Variants in NFIL3 observed in about 807,000 individuals in gnomAD.
NFIL3 encodes the protein nuclear factor interleukin-3-regulated protein.
Under a neutral mutation model 10.0 loss-of-function variants are expected in NFIL3, and 5 were observed. That is an observed-to-expected ratio of 0.50 (90% CI 0.26 to 1.06). NFIL3 has a LOEUF of 1.06. Ranked by LOEUF, NFIL3 falls within the 50% of genes least tolerant of loss-of-function variation. NFIL3 has a pLI of 0.13. For missense variants in NFIL3, 436 were observed against 547.6 expected (o/e 0.80, Z 2.03); for synonymous variants, 202 against 206.5 (o/e 0.98, Z 0.19).
chr9:91,468,772 C>A, the NFIL3 span, among the ~76,000 whole-genome samples: 12 of 152,172 alleles, frequency 7.9e-5, no homozygotes, highest in African/African-American at 2.9e-4. Context: ...CCAGTTTTCC[C>A]AGCACCATTT....
At chr9:91,466,359 A>G in the NFIL3 span, among the ~76,000 whole-genome samples, 1 of 152,188 alleles carries the variant, frequency 6.6e-6, no homozygotes, top group African/African-American at 2.4e-5. Context: ...CTTCCTGAGA[A>G]CACAAGAAAT....
At chr9:91,420,115 A>G (rs117654763) in intron 1 of NFIL3, among the ~76,000 whole-genome samples, 45 of 152,298 alleles carry the variant, frequency 3.0e-4, no homozygotes, top group African/African-American at 1.0e-3. Flanking sequence ...TCATCTCTCT[A>G]TTCCTTCAAG....
At chr9:91,471,711 T>A in the NFIL3 span, among the ~76,000 whole-genome samples, 1 of 152,150 alleles carries the variant, frequency 6.6e-6, no homozygotes, top group Non-Finnish European at 1.5e-5. Flanking sequence ...ACATTTAAGG[T>A]TAATATTGTT....
chr9:91,443,730 T>C, the NFIL3 span, among the ~76,000 whole-genome samples: 3 of 152,252 alleles, frequency 2.0e-5, no homozygotes, highest in East Asian at 5.8e-4. Flanking sequence ...GCAGGACTCT[T>C]GCCCCAACAA....
chr9:91,483,460 G>A, the NFIL3 span, among the ~76,000 whole-genome samples: 4 of 152,164 alleles, frequency 2.6e-5, no homozygotes, highest in Non-Finnish European at 5.9e-5. Context: ...CAGGGTACCA[G>A]GAACACACAG....
the NFIL3 span, among the ~76,000 whole-genome samples, chr9:91,463,711 C>T: frequency 6.6e-6 from 1 of 152,214 alleles, no homozygotes; most frequent in Non-Finnish European, 1.5e-5. Flanking sequence ...TGTCTATATC[C>T]TTTCTGATTT....
the NFIL3 span, among the ~76,000 whole-genome samples, chr9:91,477,239 G>A: frequency 1.3e-5 from 2 of 152,138 alleles, no homozygotes; most frequent in Admixed American, 6.5e-5. Context: ...TCCTGGGGTT[G>A]CCCAGCTGAG....
At chr9:91,477,554 C>A in the NFIL3 span, among the ~76,000 whole-genome samples, 1 of 152,112 alleles carries the variant, frequency 6.6e-6, no homozygotes, top group Non-Finnish European at 1.5e-5. Flanking sequence ...CTAAGAAAAT[C>A]CCAAAGAAGC....
At chr9:91,453,712 GA>G in the NFIL3 span, among the ~76,000 whole-genome samples, 1 of 151,956 alleles carries the variant, frequency 6.6e-6, no homozygotes, top group Non-Finnish European at 1.5e-5. Context: ...TAAAACATGG[GA>G]ATAGGGTGCA....
the NFIL3 span, among the ~76,000 whole-genome samples, chr9:91,454,158 C>T: frequency 2.1e-4 from 32 of 149,876 alleles, no homozygotes; most frequent in African/African-American, 6.7e-4. Flanking sequence ...CGCTTGAACC[C>T]GGGAAGTGGA....
At chr9:91,472,652 T>A in the NFIL3 span, among the ~76,000 whole-genome samples, 3 of 152,216 alleles carry the variant, frequency 2.0e-5, no homozygotes, top group Non-Finnish European at 4.4e-5. Context: ...GGTTCAAACA[T>A]CCTCCTTTAG....
At chr9:91,432,626 C>T in the NFIL3 span, among the ~76,000 whole-genome samples, 1 of 151,748 alleles carries the variant, frequency 6.6e-6, no homozygotes, top group African/African-American at 2.4e-5. Context: ...CTGTTGCTGA[C>T]ACATAAGAAC....
chr9:91,417,682 A>G (rs1330839937), intron 1 of NFIL3, among the ~76,000 whole-genome samples: 1 of 152,194 alleles, frequency 6.6e-6, no homozygotes, highest in Non-Finnish European at 1.5e-5. Flanking sequence ...GTTGAAAAAG[A>G]GAAGGATTTT....
the NFIL3 span, among the ~76,000 whole-genome samples, chr9:91,429,741 G>A: frequency 6.6e-6 from 1 of 152,086 alleles, no homozygotes; most frequent in Non-Finnish European, 1.5e-5. Flanking sequence ...CTCAGGCGGT[G>A]CATGTAGGTC....
At chr9:91,461,096 G>A in the NFIL3 span, among the ~76,000 whole-genome samples, 2 of 152,080 alleles carry the variant, frequency 1.3e-5, no homozygotes, top group South Asian at 2.1e-4. Context: ...CTTGTTCCTG[G>A]TCATTGATTT....
chr9:91,445,199 C>G, the NFIL3 span, among the ~76,000 whole-genome samples: 1 of 152,118 alleles, frequency 6.6e-6, no homozygotes, highest in South Asian at 2.1e-4. Context: ...CCCTGGGGAG[C>G]AAGGCACAAC....
chr9:91,463,248 T>G, the NFIL3 span, among the ~76,000 whole-genome samples: 1 of 151,806 alleles, frequency 6.6e-6, no homozygotes, highest in Non-Finnish European at 1.5e-5. Flanking sequence ...AAATTGTTCT[T>G]CTTTCCGTAG....
At chr9:91,476,293 C>G in the NFIL3 span, among the ~76,000 whole-genome samples, 3 of 152,180 alleles carry the variant, frequency 2.0e-5, no homozygotes, top group Non-Finnish European at 4.4e-5. Context: ...TCACGACTGA[C>G]CGGGCACAGT....
In NFIL3 at chr9:91,409,706, A is replaced by G. The variant is rs770283563; in HGVS notation, c.1029T>C (p.Asn343=). The G allele has an allele frequency of 1.2e-6, 2 of 1,614,140 alleles. No individual in the cohort carries two copies. The highest frequency in any genetic ancestry group is 2.2e-5 in the East Asian group (1 of 44,878). The change falls in exon 2 of 2, where the codon AAT becomes AAC. Residue 343 remains asparagine, a synonymous_variant. Coordinates refer to ENST00000297689, the MANE Select transcript of NFIL3 (RefSeq NM_005384.3). ...AMQIKVEAFD[N]EFEATQKLSS... ...AAAGTTTTTGCGTGGCCTCAAATTC[A>G]TTATCAAAGGCTTCTACTTTGATCT...
Sources: allele counts gnomAD v4.1 joint callset (sites outside exome capture counted in the v4.1 genomes callset), GRCh38; gene constraint gnomAD v4.1.1; transcripts MANE v1.5; gene names NCBI Gene and HGNC (gene_info 2026-07-23, HGNC 2026-07-21).